The following SLC26A2 variants were observed in gnomAD, a reference collection of about 807,000 sequenced individuals.
The protein encoded by SLC26A2 is sulfate transporter.
SLC26A2 carries 36 observed loss-of-function variants against 41.1 expected under a neutral mutation model. The ratio of observed to expected loss-of-function variants is 0.88; its 90% confidence interval spans 0.67 to 1.16. The LOEUF (loss-of-function observed/expected upper bound fraction) is 1.16, where lower values mean the gene tolerates loss of function less well. Ranked by LOEUF, SLC26A2 falls within the 50% of genes most tolerant of loss-of-function variation. The pLI is 0.00. For missense variants in SLC26A2, 796 were observed against 869.6 expected (o/e 0.92, Z 1.07); for synonymous variants, 291 against 311.6 (o/e 0.93, Z 0.70).
rs1162088298 is a variant in SLC26A2 at position 149,981,170 on chromosome 5, G to A, written c.1577G>A (p.Ser526Asn). 1.2e-6 allele frequency: 2 copies of A among 1,614,134 alleles called. No homozygotes were observed. Among genetic ancestry groups the A allele is most frequent in the South Asian group, 1.1e-5 (1 of 91,084 alleles). ...FVTMLSSALLSTEIGLLVGVC... is the reference protein window; with the variant it reads ...FVTMLSSALLNTEIGLLVGVC... Reference sequence around the variant, plus strand: ...ACTATGCTGTCCTCTGCACTGCTAAGTACTGAAATAGGCCTACTTGTTGGG... The same window carrying A: ...ACTATGCTGTCCTCTGCACTGCTAAATACTGAAATAGGCCTACTTGTTGGG... Residue 526 changes from serine to asparagine, a missense_variant, in exon 3 of 3, where the codon AGT (serine) becomes AAT (asparagine). Ser to Asn is a conservative substitution (Grantham distance 46, BLOSUM62 1). Transcript: ENST00000286298.
chr5:149,980,227 A>T (rs1327698628), intron 2 of SLC26A2, 66 bp from the exon 3 acceptor site: 1 of 1,262,632 alleles, frequency 7.9e-7, no homozygotes, highest in Admixed American at 1.7e-5. Context: ...AAGAAATGTC[A>T]GGATAATATA....
rs1561822695 is a variant in SLC26A2, at chr5:149,981,126, TAC to T, written c.1535_1536del (p.Thr512SerfsTer16). ...AAATGTGGAGTATTAGTAGAATGGA[TAC>T]AGTTATCTGGTTTGTTACTATGCTG... ...PKMWSISRMD[T>X]VIWFVTMLSS... On this transcript the variant is annotated frameshift_variant, in exon 3 of 3. Coordinates refer to ENST00000286298, the MANE Select transcript of SLC26A2 (RefSeq NM_000112.4). LOFTEE classifies it high-confidence loss of function. 3 of 1,614,182 alleles carry T rather than the reference TAC, an allele frequency of 1.9e-6. No individual in the cohort carries two copies. The highest frequency in any genetic ancestry group is 2.5e-6 in the Non-Finnish European group (3 of 1,179,996).
rs1326233262 is a variant in SLC26A2, at chr5:149,977,688, A to G, written c.36A>G (p.Ser12=). The G allele has an allele frequency of 6.2e-7, 1 of 1,614,064 alleles. No homozygotes were observed. The highest frequency in any genetic ancestry group is 1.1e-5 in the South Asian group (1 of 91,078). The change falls in exon 2 of 3, where the codon TCA becomes TCG. Residue 12 remains serine (S), a synonymous_variant. Transcript: ENST00000286298. ...AAAGTAAAGAGCAACATAACGTTTC[A>G]CCCAGAGACTCAGCTGAAGGAAATG... The part of the protein sequence containing the change: ...SSESKEQHNV[S]PRDSAEGNDS...
rs1299733113 is a variant in SLC26A2 at position 149,981,393 on chromosome 5, C to G, written c.1800C>G (p.Tyr600Ter). ...AAGAATGCTTTAAATCTGCTTTATA[C>G]AAACAAACTGTCAACCCAATCTTAA... The part of the protein sequence containing the change: ...INKECFKSAL[Y>*]KQTVNPILIK... Residue 600 changes from tyrosine to a stop codon, truncating the protein, a stop_gained, in exon 3 of 3, where the codon TAC (tyrosine) becomes TAG (stop). Coordinates refer to ENST00000286298, the MANE Select transcript of SLC26A2 (RefSeq NM_000112.4). LOFTEE classifies it high-confidence loss of function. 1 of 1,614,062 alleles carries G rather than the reference C, an allele frequency of 6.2e-7. No homozygotes were observed. The highest frequency in any genetic ancestry group is 2.2e-5 in the East Asian group (1 of 44,886).
chr5:149,969,907 T>C (rs1283436927), intron 1 of SLC26A2, among the ~76,000 whole-genome samples: 5 of 152,220 alleles, frequency 3.3e-5, no homozygotes, highest in African/African-American at 7.2e-5. Flanking sequence ...CTTTCTGTTA[T>C]GGTACCTAGA....
chr5:149,962,515 T>C (rs949317151), intron 1 of SLC26A2, among the ~76,000 whole-genome samples: 1 of 152,066 alleles, frequency 6.6e-6, no homozygotes, highest in East Asian at 1.9e-4. Context: ...GTTTTTGTAG[T>C]TTTTGTAGAG....
rs751170105 is a variant in SLC26A2 at position 149,980,768 on chromosome 5, T to C, written c.1175T>C (p.Ile392Thr). Residue 392 changes from isoleucine to threonine, a missense_variant, in exon 3 of 3, where the codon ATT becomes ACT. Transcript: ENST00000286298. ...GTAGATGCAATAGCTATTTCCATCA[T>C]TGGTTTTGCTATCACTGTATCACTT... ...VAVDAIAISI[I>T]GFAITVSLSE... is the part of the protein sequence containing the mutation. The C allele has an allele frequency of 6.2e-7, 1 of 1,614,092 alleles. No homozygotes were observed. Among genetic ancestry groups the C allele is most frequent in the East Asian group, 2.2e-5 (1 of 44,882 alleles).
At chr5:149,963,046 G>A (rs926494311) in intron 1 of SLC26A2, among the ~76,000 whole-genome samples, 4 of 152,034 alleles carry the variant, frequency 2.6e-5, no homozygotes, top group African/African-American at 4.8e-5. Context: ...GGGCCCAGGA[G>A]GAAGACATGG....
At chr5:149,975,428 T>C (rs1754977289) in intron 1 of SLC26A2, among the ~76,000 whole-genome samples, 1 of 152,224 alleles carries the variant, frequency 6.6e-6, no homozygotes, top group African/African-American at 2.4e-5. Context: ...CTTAGTTTTT[T>C]CTTATGTCTC....
chr5:149,981,408 C>T lies in SLC26A2; in HGVS notation c.1815C>T (p.Asn605=), dbSNP rs759674825. 6.2e-7 allele frequency: 1 copy of T among 1,614,026 alleles called. No individual in the cohort carries two copies. The highest frequency in any genetic ancestry group is 8.5e-7 in the Non-Finnish European group (1 of 1,179,990). ...FKSALYKQTV[N]PILIKVAWKK... ...CTGCTTTATACAAACAAACTGTCAA[C>T]CCAATCTTAATAAAGGTGGCTTGGA... The change falls in exon 3 of 3, where the codon AAC becomes AAT. Residue 605 remains asparagine, a synonymous_variant. Coordinates refer to ENST00000286298, the MANE Select transcript of SLC26A2 (RefSeq NM_000112.4).
chr5:149,965,452 CCTGGGCAACAGAG>C (rs557704780), intron 1 of SLC26A2, among the ~76,000 whole-genome samples: 257 of 136,686 alleles, frequency 1.9e-3, no homozygotes, highest in African/African-American at 6.8e-3. Context: ...TGCATTTCAG[CCTGGGCAACAGAG>C]CAAGACTCTG....
chr5:149,985,473 A>C lies in SLC26A2; in HGVS notation c.*3660A>C, dbSNP rs1581234183. The C allele has an allele frequency of 6.6e-6, 1 of 152,318 alleles. No homozygotes were observed. The highest frequency in any genetic ancestry group is 1.9e-4 in the East Asian group (1 of 5,186). The allele number at this position is 152,318 out of a possible 1,614,324, so 9.4% of individuals were successfully genotyped here. On this transcript the variant is annotated 3_prime_UTR_variant, in exon 3 of 3. Transcript: ENST00000286298. ...TTAGATGAGTTCATTAGACTCTTTTAATGCTAATGGCTAGTACGTTTAAAC... is the reference window on the plus strand; with the variant it reads ...TTAGATGAGTTCATTAGACTCTTTTCATGCTAATGGCTAGTACGTTTAAAC...
chr5:149,964,400 C>T (rs1381875289), intron 1 of SLC26A2, among the ~76,000 whole-genome samples: 1 of 152,030 alleles, frequency 6.6e-6, no homozygotes, highest in Non-Finnish European at 1.5e-5. Flanking sequence ...TCGCTTGAGC[C>T]CAGGAGGTGG....
rs892883357 is a variant in SLC26A2 at position 149,971,529 on chromosome 5, A to G, written c.-25-6099A>G. ...ATTCTCCTGCCTCAGCCTCCTGAGT[A>G]GCTGGGATTACAGGCGTGCGCCACC... On this transcript the variant is annotated intron_variant, in intron 1 of 2. Coordinates refer to ENST00000286298, the MANE Select transcript of SLC26A2 (RefSeq NM_000112.4). Among the ~76,000 whole-genome samples, 2 of 152,046 alleles carry G rather than the reference A, an allele frequency of 1.3e-5. 1 individual carries two copies. The highest frequency in any genetic ancestry group is 4.1e-4 in the South Asian group (2 of 4,832).
chr5:149,969,778 C>G (rs943402227), intron 1 of SLC26A2, among the ~76,000 whole-genome samples: 1 of 152,200 alleles, frequency 6.6e-6, no homozygotes, highest in African/African-American at 2.4e-5. Flanking sequence ...TTTCCTGGGT[C>G]TTGGACTATA....
Position 149,981,248 on chromosome 5 carries a change from C to G in SLC26A2, c.1655C>G (p.Ser552Ter). The part of the protein sequence containing the change: ...VILRTQKPKS[S>*]LLGLVEESEV... ...CTCCGCACTCAGAAGCCAAAGAGTTCACTGCTTGGCTTGGTGGAAGAGTCT... is the reference window on the plus strand; with the variant it reads ...CTCCGCACTCAGAAGCCAAAGAGTTGACTGCTTGGCTTGGTGGAAGAGTCT... The change falls in exon 3 of 3, where the codon TCA becomes TGA. Residue 552 changes from serine (S) to a stop codon, truncating the protein, a stop_gained. Coordinates refer to ENST00000286298, the MANE Select transcript of SLC26A2 (RefSeq NM_000112.4). LOFTEE classifies it high-confidence loss of function. The G allele has an allele frequency of 6.2e-7, 1 of 1,614,118 alleles. No homozygotes were observed. The highest frequency in any genetic ancestry group is 8.5e-7 in the Non-Finnish European group (1 of 1,180,000).
Position 149,981,339 on chromosome 5 carries a change from C to T in SLC26A2, c.1746C>T (p.Arg582=), listed in dbSNP as rs1186079148. ...TTAAGCCAGGCATCAAGATTTTCCG[C>T]TTTGTAGCCCCTCTCTACTACATAA... ...LQIKPGIKIF[R]FVAPLYYINK... The change falls in exon 3 of 3, where the codon CGC becomes CGT. Residue 582 remains arginine (R), a synonymous_variant. Transcript: ENST00000286298. 1 of 1,614,082 alleles carries T rather than the reference C, an allele frequency of 6.2e-7. No homozygotes were observed. The highest frequency in any genetic ancestry group is 1.1e-5 in the South Asian group (1 of 91,078).
intron 1 of SLC26A2, among the ~76,000 whole-genome samples, chr5:149,970,472 C>G (rs2113690701): frequency 6.6e-6 from 1 of 152,232 alleles, no homozygotes; most frequent in East Asian, 1.9e-4. Flanking sequence ...GACCATGCCA[C>G]TGCACTCTAA....
rs376837549 is a variant in SLC26A2, at chr5:149,981,604, C to T, written c.2011C>T (p.Arg671Cys). Residue 671 changes from arginine (R) to cysteine (C), a missense_variant, in exon 3 of 3, where the codon CGC becomes TGC. Coordinates refer to ENST00000286298, the MANE Select transcript of SLC26A2 (RefSeq NM_000112.4). ...TAGIHTLKEVRRDYEAIGIQV... is the reference protein window; with the variant it reads ...TAGIHTLKEVCRDYEAIGIQV... ...AGGGATCCACACACTGAAAGAAGTT[C>T]GCAGAGATTATGAAGCCATTGGAAT... The T allele has an allele frequency of 1.1e-5, 17 of 1,613,898 alleles. No homozygotes were observed. Among genetic ancestry groups the T allele is most frequent in the Admixed American group, 1.7e-5 (1 of 59,982 alleles).
Sources: allele counts gnomAD v4.1 joint callset (sites outside exome capture counted in the v4.1 genomes callset), GRCh38; gene constraint gnomAD v4.1.1; transcripts MANE v1.5; gene names NCBI Gene and HGNC (gene_info 2026-07-23, HGNC 2026-07-21).